The following BACH1 variants were observed in gnomAD, a reference collection of about 807,000 sequenced individuals.
The protein encoded by BACH1 is BTB domain and CNC homolog 1, also known as transcription regulator protein BACH1.
Under a neutral mutation model 52.9 loss-of-function variants are expected in BACH1, and 35 were observed. The observed-to-expected ratio is 0.66, with a 90% CI of 0.51 to 0.88. The LOEUF is 0.88. BACH1 is among the 40% of genes least tolerant of loss of function. The pLI is 0.00. For synonymous variants in BACH1, 321 were observed against 319.6 expected (o/e 1.00, Z -0.05); for missense variants, 808 against 872.6 (o/e 0.93, Z 0.93).
At chr21:29,334,260 G>A (rs2089019320) in intron 4 of BACH1, among the ~76,000 whole-genome samples, 1 of 151,944 alleles carries the variant, frequency 6.6e-6, no homozygotes, top group Non-Finnish European at 1.5e-5. Flanking sequence ...ACCATGCCTG[G>A]GTAATTTTTT....
chr21:29,340,533 T>G, intron 4 of BACH1, among the ~76,000 whole-genome samples: 1 of 152,228 alleles, frequency 6.6e-6, no homozygotes, highest in Non-Finnish European at 1.5e-5. Context: ...GGTTAAGTAG[T>G]GGTTCTAATT....
chr21:29,308,069 C>T (rs2088678722), intron 1 of BACH1, among the ~76,000 whole-genome samples: 2 of 152,172 alleles, frequency 1.3e-5, no homozygotes, highest in African/African-American at 4.8e-5. Context: ...TATTTCCCTA[C>T]TCAGTAGTTC....
downstream of BACH1, among the ~76,000 whole-genome samples, chr21:29,349,255 G>A (rs939269891): frequency 1.3e-5 from 2 of 152,108 alleles, no homozygotes; most frequent in Non-Finnish European, 1.5e-5. Context: ...GTGGCCTGGC[G>A]CTACCAGTTA....
At chr21:29,307,661 G>C (rs985369704) in intron 1 of BACH1, among the ~76,000 whole-genome samples, 3 of 152,148 alleles carry the variant, frequency 2.0e-5, no homozygotes, top group Non-Finnish European at 2.9e-5. Context: ...TGATGAAAAA[G>C]CATAGTATAT....
At chr21:29,347,567 C>G (rs960604573), downstream of BACH1, among the ~76,000 whole-genome samples, 1 of 152,124 alleles carries the variant, frequency 6.6e-6, no homozygotes, top group Non-Finnish European at 1.5e-5. Flanking sequence ...AAACATTGGC[C>G]CATTGCTCAA....
At chr21:29,359,302 T>C (rs2089257284) in intron 2 of BACH1, 1 of 151,412 alleles carries the variant, frequency 6.6e-6, no homozygotes, top group African/African-American at 2.4e-5. Context: ...CTTTATGAGT[T>C]TTTAGCTAAC....
At chr21:29,308,192 C>T (rs913746675) in intron 1 of BACH1, among the ~76,000 whole-genome samples, 5 of 152,152 alleles carry the variant, frequency 3.3e-5, no homozygotes, top group Middle Eastern at 3.2e-3. Flanking sequence ...TTACTGAGAT[C>T]ACTGGTGCAA....
Position 29,321,562 on chromosome 21 carries a change from T to G in BACH1, c.234+48T>G, listed in dbSNP as rs1226707545. On this transcript the variant is annotated intron_variant, in intron 2 of 4. Transcript: ENST00000286800. ...AATTTTAATCTACTTTTACTTAAGT[T>G]TTTTATGGTTCATAATGTTGAAAAT... is the stretch of plus-strand genomic sequence containing the variant. 2.0e-6 allele frequency: 3 copies of G among 1,521,772 alleles called. No homozygotes were observed. In the African/African-American group the frequency reaches 4.1e-5, roughly 21 times the overall value. 94.3% of individuals were successfully genotyped at this position (1,521,772 alleles called of 1,614,324 possible).
chr21:29,324,556 TTGTG>T (rs59785894), intron 2 of BACH1, among the ~76,000 whole-genome samples: 3,673 of 145,238 alleles, frequency 0.025, 108 homozygotes, highest in African/African-American at 0.065. Flanking sequence ...TGGATGTACC[TTGTG>T]TGTGTGTGTG....
At chr21:29,325,985 C>T (rs2088905899) in intron 2 of BACH1, 74 bp from the exon 3 acceptor site, 1 of 1,389,480 alleles carries the variant, frequency 7.2e-7, no homozygotes, top group Non-Finnish European at 9.7e-7. Context: ...CTCTATTCCT[C>T]TTCTACTTAT....
intron 1 of BACH1, among the ~76,000 whole-genome samples, chr21:29,313,354 T>C (rs1410205473): frequency 6.6e-6 from 1 of 152,214 alleles, no homozygotes; most frequent in South Asian, 2.1e-4. Context: ...CAAGATAAAA[T>C]GATACAGTCA....
chr21:29,352,049 C>G (rs2123488222), intron 2 of BACH1, among the ~76,000 whole-genome samples: 1 of 151,488 alleles, frequency 6.6e-6, no homozygotes, highest in African/African-American at 2.4e-5. Context: ...TGAGACAGAC[C>G]TAGTTTTCTT....
chr21:29,326,560 G>A lies in BACH1; in HGVS notation c.736G>A (p.Val246Ile), dbSNP rs1221670250. The change falls in exon 3 of 5, where the codon GTC becomes ATC. Residue 246 changes from valine to isoleucine, a missense_variant. Physicochemically the swap from Val to Ile is conservative, Grantham distance 29. Coordinates refer to ENST00000286800, the MANE Select transcript of BACH1 (RefSeq NM_001186.4). ...CAGAGTCCGTACTGGGGAATCTAGT[G>A]TCAAAGACATTCATGCTTCTGTTCA... Reference protein sequence around the residue: ...TDRVRTGESSVKDIHASVQPN... With the variant: ...TDRVRTGESSIKDIHASVQPN... 5 of 1,614,086 alleles carry A rather than the reference G, an allele frequency of 3.1e-6. No individual in the cohort carries two copies. Among genetic ancestry groups the A allele is most frequent in the Admixed American group, 3.3e-5 (2 of 60,004 alleles).
intron 4 of BACH1, among the ~76,000 whole-genome samples, chr21:29,333,540 C>T (rs2123461118): frequency 6.6e-6 from 1 of 152,282 alleles, no homozygotes; most frequent in East Asian, 1.9e-4. Context: ...TTGGCTTTAA[C>T]ATATTAATAG....
chr21:29,315,846 T>C (rs1023438755), intron 1 of BACH1, among the ~76,000 whole-genome samples: 2 of 152,328 alleles, frequency 1.3e-5, no homozygotes, highest in Non-Finnish European at 2.9e-5. Context: ...TGAACATATC[T>C]AGGTTATGTT....
chr21:29,323,969 C>T lies in BACH1; in HGVS notation c.235-2090C>T, dbSNP rs1004028842. Among the ~76,000 whole-genome samples, 3 of 152,082 alleles carry T rather than the reference C, an allele frequency of 2.0e-5. No homozygotes were observed. The East Asian group carries it at 5.8e-4, about 29-fold the overall frequency. On this transcript the variant is annotated intron_variant, in intron 2 of 4. Coordinates refer to ENST00000286800, the MANE Select transcript of BACH1 (RefSeq NM_001186.4). Reference sequence around the variant, plus strand: ...GTATCCACCACCATAGTTAAGATAACAGCCGGGCCCAGTGGCTCATGCCTG... The same window carrying T: ...GTATCCACCACCATAGTTAAGATAATAGCCGGGCCCAGTGGCTCATGCCTG...
downstream of BACH1, among the ~76,000 whole-genome samples, chr21:29,350,723 G>C (rs963426484): frequency 1.3e-5 from 2 of 152,226 alleles, no homozygotes; most frequent in African/African-American, 4.8e-5. Context: ...CTCCATCTCT[G>C]CAGGGATGAG....
chr21:29,341,225 C>T (rs2089109239), intron 4 of BACH1, among the ~76,000 whole-genome samples: 1 of 152,008 alleles, frequency 6.6e-6, no homozygotes, highest in African/African-American at 2.4e-5. Context: ...TCATAAAAGA[C>T]TAAAGGATGG....
chr21:29,349,503 G>A (rs546762697), downstream of BACH1, among the ~76,000 whole-genome samples: 27 of 152,276 alleles, frequency 1.8e-4, no homozygotes, highest in African/African-American at 6.3e-4. Context: ...GGGCCCACCG[G>A]CGGCTGCTGC....
Sources: gnomAD v4.1 joint callset for allele counts (sites outside exome capture counted in the v4.1 genomes callset) on GRCh38, gnomAD v4.1.1 for gene constraint, MANE v1.5 for transcripts, NCBI Gene and HGNC (gene_info 2026-07-23, HGNC 2026-07-21) for gene names.